The following IFFO1 variants were observed in gnomAD, a reference collection of about 807,000 sequenced individuals.
IFFO1 encodes non-homologous end joining factor IFFO1.
IFFO1 carries 42 observed loss-of-function variants against 59.6 expected under a neutral mutation model. The ratio of observed to expected loss-of-function variants is 0.70; its 90% CI spans 0.55 to 0.91. The LOEUF is 0.91. Among genes scored for constraint, IFFO1 ranks in the 40% least tolerant of loss-of-function variants. The probability of loss-of-function intolerance (pLI) is 0.00; values close to 1 mark genes in which losing one functional copy is unlikely to be tolerated. For synonymous variants in IFFO1, 336 were observed against 342.8 expected (o/e 0.98, Z 0.22); for missense variants, 711 against 793.2 (o/e 0.90, Z 1.24).
intron 1 of IFFO1, chr12:6,551,452 G>A (rs575906345): frequency 1.2e-5 from 16 of 1,294,956 alleles, no homozygotes; most frequent in East Asian, 5.5e-5. Context: ...AACAGAGCTC[G>A]TCGAGCCCGC....
At position 6,548,515 on chromosome 12, in the gene IFFO1, G is replaced by A. The variant is rs1373452384; in HGVS notation, c.1293C>T (p.Asp431=). ...CCTCAGTCTCCTCCCAAGTCAGGCT[G>A]TCACAGTCGTCCTCAAAATCATACT... ...LREYDFEDDC[D]SLTWEETEET... is the part of the protein sequence containing the mutation. The change falls in exon 7 of 10, where the codon GAC becomes GAT. Residue 431 remains aspartate, a synonymous_variant. Transcript: ENST00000619571. The surrounding 1 kb of genome is among the most constrained non-coding windows in gnomAD (Gnocchi z 6.1). The A allele has an allele frequency of 3.1e-6, 5 of 1,613,840 alleles. No individual in the cohort carries two copies. The highest frequency in any genetic ancestry group is 4.2e-6 in the Non-Finnish European group (5 of 1,179,882).
At chr12:6,551,656 C>G in intron 1 of IFFO1, 1 of 421,824 alleles carries the variant, frequency 2.4e-6, no homozygotes, top group Non-Finnish European at 4.7e-6. Context: ...GCCGGAAGTC[C>G]CACAGCAGCA....
rs753477198 is a variant in IFFO1, at chr12:6,540,515, G to A, written c.1684C>T (p.Arg562Cys). The change falls in exon 10 of 10, where the codon CGC becomes TGC. Residue 562 changes from arginine (R) to cysteine (C), a missense_variant. Around this residue, in one of 3 missense-constraint regions of IFFO1, gnomAD observed 579 missense variants for 650.3 expected, o/e 0.89. Coordinates refer to ENST00000619571, the MANE Select transcript of IFFO1 (RefSeq NM_001193457.2). ...PPPSEAEDSD[R>C]DVSSDSSMR ...ATGGAGCTGTCAGATGAGACATCGC[G>A]ATCGGAGTCCTCAGCCTCGCTTGGC... 1.2e-6 allele frequency: 2 copies of A among 1,614,086 alleles called. No individual in the cohort carries two copies. The highest frequency in any genetic ancestry group is 1.7e-6 in the Non-Finnish European group (2 of 1,180,014).
chr12:6,552,508 G>A (rs1947274569), intron 1 of IFFO1, among the ~76,000 whole-genome samples: 1 of 152,204 alleles, frequency 6.6e-6, no homozygotes. Flanking sequence ...TCTTAGCTAA[G>A]ACCCTTATCT....
Position 6,549,590 on chromosome 12 carries a change from C to T in IFFO1, c.1072-106G>A, listed in dbSNP as rs1947142957. 1.5e-6 allele frequency: 2 copies of T among 1,324,328 alleles called. No homozygotes were observed. Among genetic ancestry groups the T allele is most frequent in the South Asian group, 2.4e-5 (2 of 82,766 alleles). 82.0% of individuals were successfully genotyped at this position (1,324,328 alleles called of 1,614,324 possible). A position where few individuals can be genotyped will look rare whatever the true frequency, so the allele number is the denominator to read the frequency against. ...GGCGTTAGAGACAGCTTCCACGATG[C>T]CCCTCCTGATGCTGCTCCTTACCCC... On this transcript the variant is annotated intron_variant, in intron 4 of 9. Coordinates refer to ENST00000619571, the MANE Select transcript of IFFO1 (RefSeq NM_001193457.2). This position sits in a 1 kb window ranked among gnomAD's most constrained non-coding sequence, Gnocchi z 5.0.
Position 6,549,467 on chromosome 12 carries a change from CA to C in IFFO1, c.1080+8del. The C allele has an allele frequency of 1.2e-6, 2 of 1,613,744 alleles. No individual in the cohort carries two copies. The highest frequency in any genetic ancestry group is 1.7e-6 in the Non-Finnish European group (2 of 1,179,708). On this transcript the variant is annotated splice_region_variant and intron_variant, in intron 5 of 9. Transcript: ENST00000619571. This position sits in a 1 kb window ranked among gnomAD's most constrained non-coding sequence, Gnocchi z 5.0. ...GGACATTAATAAGCTTGCGTGAGAT[CA>C]AACTAACCAGCTTCTTCTGTGGAGG...
intron 8 of IFFO1, among the ~76,000 whole-genome samples, chr12:6,546,855 C>G (rs1946991274): frequency 6.6e-6 from 1 of 152,136 alleles, no homozygotes; most frequent in African/African-American, 2.4e-5. Context: ...CCACTTGCCT[C>G]TAGGTACCTC....
chr12:6,543,492 G>C (rs900367859), intron 8 of IFFO1: 1 of 152,678 alleles, frequency 6.5e-6, no homozygotes, highest in East Asian at 1.9e-4. Context: ...CTGTGCATGC[G>C]AGGGATCTAG....
rs534185490 is a variant in IFFO1 at position 6,553,532 on chromosome 12, G to A, written c.773+1725C>T. Among the ~76,000 whole-genome samples the A allele has an allele frequency of 1.3e-3, 198 of 152,178 alleles. 1 individual carries two copies. Among genetic ancestry groups the A allele is most frequent in the African/African-American group, 3.0e-3 (126 of 41,500 alleles). ...GGACCACAACTAAGGAAGCCAGCAC[G>A]AGGACAGGACTCAAGCTCAGAAAGC... On this transcript the variant is annotated intron_variant, in intron 1 of 9. Coordinates refer to ENST00000619571, the MANE Select transcript of IFFO1 (RefSeq NM_001193457.2).
Position 6,549,685 on chromosome 12 carries a change from C to T in IFFO1, c.1071+71G>A. The T allele has an allele frequency of 6.4e-7, 1 of 1,564,820 alleles. No homozygotes were observed. Among genetic ancestry groups the T allele is most frequent in the South Asian group, 1.2e-5 (1 of 84,694 alleles). On this transcript the variant is annotated intron_variant, in intron 4 of 9. Coordinates refer to ENST00000619571, the MANE Select transcript of IFFO1 (RefSeq NM_001193457.2). The surrounding 1 kb of genome is among the most constrained non-coding windows in gnomAD (Gnocchi z 5.0). The stretch of plus-strand genomic sequence containing the variant: ...CAAGCAGGAGGCAGGGCCTGCGTTC[C>T]AGGCCAGCCGCCACGGAAGCATCCA...
chr12:6,556,024 A>G lies in IFFO1; in HGVS notation c.6T>C (p.Asn2=). 1 of 1,579,042 alleles carries G rather than the reference A, an allele frequency of 6.3e-7. No homozygotes were observed. Among genetic ancestry groups the G allele is most frequent in the Non-Finnish European group, 8.5e-7 (1 of 1,170,790 alleles). Reference sequence around the variant, plus strand: ...GGAAGAGGTTGGGGCCGAATAACGGATTCATGGCTGCGCCTTCTGCTGGGA... The same window carrying G: ...GGAAGAGGTTGGGGCCGAATAACGGGTTCATGGCTGCGCCTTCTGCTGGGA... M[N]PLFGPNLFLL... is the part of the protein sequence containing the mutation. The change falls in exon 1 of 10, where the codon AAT becomes AAC. Residue 2 remains asparagine (N), a synonymous_variant. Coordinates refer to ENST00000619571, the MANE Select transcript of IFFO1 (RefSeq NM_001193457.2).
chr12:6,554,744 A>G (rs552714298), intron 1 of IFFO1, among the ~76,000 whole-genome samples: 3 of 152,286 alleles, frequency 2.0e-5, no homozygotes, highest in African/African-American at 7.2e-5. Flanking sequence ...AGCTTTTCCT[A>G]TGAAACCACA....
chr12:6,540,640 CG>C (rs1401139957), intron 9 of IFFO1, 52 bp from the exon 10 acceptor site: 25 of 1,444,006 alleles, frequency 1.7e-5, no homozygotes, highest in Non-Finnish European at 2.4e-5. Flanking sequence ...ATCCTGAAGA[CG>C]GACGGCACTC....
chr12:6,549,042 C>T lies in IFFO1; in HGVS notation c.1081-193G>A. On this transcript the variant is annotated intron_variant, in intron 5 of 9. Transcript: ENST00000619571. The surrounding 1 kb of genome is among the most constrained non-coding windows in gnomAD (Gnocchi z 5.0). Reference sequence around the variant, plus strand: ...AGACACACAGCGGGGGTCAGGGCTGCAAACCGAGAAGGCAGAACAAGAAGA... The same window carrying T: ...AGACACACAGCGGGGGTCAGGGCTGTAAACCGAGAAGGCAGAACAAGAAGA... The T allele has an allele frequency of 1.7e-6, 1 of 600,884 alleles. No homozygotes were observed. The allele number at this position is 600,884 out of a possible 1,614,324, so 37.2% of individuals were successfully genotyped here. A position where few individuals can be genotyped will look rare whatever the true frequency, so the allele number is the denominator to read the frequency against.
In IFFO1 at chr12:6,555,564, G is replaced by C. The variant is rs1469045995; in HGVS notation, c.466C>G (p.Leu156Val). 5.4e-6 allele frequency: 8 copies of C among 1,469,100 alleles called. No homozygotes were observed. The South Asian group carries it at 1.1e-4, about 21-fold the overall frequency. The allele number at this position is 1,469,100 out of a possible 1,614,324, so 91.0% of individuals were successfully genotyped here. ...AAVCSPSARV[L>V]GSPARSPAGP... The stretch of plus-strand genomic sequence containing the variant: ...GCCGGGGAGCGCGCGGGCGAGCCCA[G>C]CACGCGCGCCGAAGGGCTGCAGACA... The change falls in exon 1 of 10, where the codon CTG becomes GTG. Residue 156 changes from leucine (L) to valine (V), a missense_variant. Transcript: ENST00000619571. This position sits in a 1 kb window ranked among gnomAD's most constrained non-coding sequence, Gnocchi z 8.6.
At chr12:6,551,555 CA>C in intron 1 of IFFO1, 1 of 1,067,344 alleles carries the variant, frequency 9.4e-7, no homozygotes, top group South Asian at 1.3e-5. Flanking sequence ...TGGTAGGAGA[CA>C]CTCAAAGTCC....
At position 6,541,506 on chromosome 12, in the gene IFFO1, G is replaced by A. The variant is rs201856904; in HGVS notation, c.1610+6C>T. 291 of 1,613,222 alleles carry A rather than the reference G, an allele frequency of 1.8e-4. 2 individuals are homozygous for A. Among genetic ancestry groups the A allele is most frequent in the Middle Eastern group, 1.7e-4 (1 of 5,802 alleles). ...GGAAGGCCCCATGCCCAGGGGAGGCGCCTACCGGTCTCCAGACTGGGTGAT... is the reference window on the plus strand; with the variant it reads ...GGAAGGCCCCATGCCCAGGGGAGGCACCTACCGGTCTCCAGACTGGGTGAT... On this transcript the variant is annotated splice_donor_region_variant and intron_variant, in intron 9 of 9. Coordinates refer to ENST00000619571, the MANE Select transcript of IFFO1 (RefSeq NM_001193457.2). This position sits in a 1 kb window ranked among gnomAD's most constrained non-coding sequence, Gnocchi z 4.8.
chr12:6,555,599 C>G lies in IFFO1; in HGVS notation c.431G>C (p.Arg144Pro). 3 of 1,412,656 alleles carry G rather than the reference C, an allele frequency of 2.1e-6. No individual in the cohort carries two copies. The highest frequency in any genetic ancestry group is 2.8e-6 in the Non-Finnish European group (3 of 1,089,020). 87.5% of individuals were successfully genotyped at this position (1,412,656 alleles called of 1,614,324 possible). The change falls in exon 1 of 10, where the codon CGG becomes CCG. Residue 144 changes from arginine to proline, a missense_variant. This residue lies in a region of IFFO1 where 579 missense variants were observed against 650.3 expected (regional missense o/e 0.89). Coordinates refer to ENST00000619571, the MANE Select transcript of IFFO1 (RefSeq NM_001193457.2). The surrounding 1 kb of genome is among the most constrained non-coding windows in gnomAD (Gnocchi z 8.6). Reference sequence around the variant, plus strand: ...CGAAGGGCTGCAGACAGCGGCCGGCCGGGCGCCCAGCTGCAGCCCCAGGGG... The same window carrying G: ...CGAAGGGCTGCAGACAGCGGCCGGCGGGGCGCCCAGCTGCAGCCCCAGGGG... ...IRPLGLQLGARPAAVCSPSAR... is the reference protein window; with the variant it reads ...IRPLGLQLGAPPAAVCSPSAR...
chr12:6,550,487 A>G, intron 3 of IFFO1: 2 of 581,646 alleles, frequency 3.4e-6, no homozygotes, highest in Non-Finnish European at 3.1e-6. Context: ...AGGCCCTCAG[A>G]AGCTGCGCCA....
Sources: allele counts gnomAD v4.1 joint callset (sites outside exome capture counted in the v4.1 genomes callset), GRCh38; gene constraint gnomAD v4.1.1; regional missense constraint gnomAD v4.1.1; non-coding constraint Gnocchi (gnomAD v3.1); transcripts MANE v1.5; gene names NCBI Gene and HGNC (gene_info 2026-07-23, HGNC 2026-07-21).